TIMM23B: variants seen among roughly 807,000 people sequenced by gnomAD.
TIMM23B encodes mitochondrial import inner membrane translocase subunit Tim23B.
TIMM23B carries 27 observed loss-of-function variants against 27.3 expected under a neutral mutation model. That is an observed-to-expected ratio of 0.99 (90% CI 0.73 to 1.36). TIMM23B has a LOEUF of 1.36. TIMM23B is among the 40% of genes most tolerant of loss of function. The pLI, the probability that TIMM23B is intolerant of heterozygous loss-of-function variation, is 0.00. For synonymous variants in TIMM23B, 73 were observed against 92.4 expected (o/e 0.79, Z 1.21); for missense variants, 205 against 244.2 (o/e 0.84, Z 1.07).
At chr10:49,948,438 CATA>C (rs1839420771) in intron 2 of TIMM23B, among the ~76,000 whole-genome samples, 1 of 152,008 alleles carries the variant, frequency 6.6e-6, no homozygotes. Flanking sequence ...TAGCATTATT[CATA>C]ATAACCAAAA....
rs1300495324 is a variant in TIMM23B at position 49,954,869 on chromosome 10, T to C, written c.345-133T>C. 1.4e-5 allele frequency: 10 copies of C among 711,826 alleles called. No individual in the cohort carries two copies. The African/African-American group carries it at 1.4e-4, about 10-fold the overall frequency. 44.1% of individuals were successfully genotyped at this position (711,826 alleles called of 1,614,324 possible). A position where few individuals can be genotyped will look rare whatever the true frequency, so the allele number is the denominator to read the frequency against. Reference sequence around the variant, plus strand: ...ACCATCCTTATTGAAATCGGAGATATTAAGATGTATTTTAGAATTTAAAAA... The same window carrying C: ...ACCATCCTTATTGAAATCGGAGATACTAAGATGTATTTTAGAATTTAAAAA... On this transcript the variant is annotated intron_variant, in intron 4 of 6. Transcript: ENST00000651259.
chr10:49,969,857 ACTG>A (rs1240113586), intron 6 of TIMM23B, among the ~76,000 whole-genome samples: 1 of 151,546 alleles, frequency 6.6e-6, no homozygotes, highest in Non-Finnish European at 1.5e-5. Context: ...GCTGGACTGT[ACTG>A]CTGCCATCTC....
chr10:49,958,376 T>G lies in TIMM23B; in HGVS notation c.410T>G (p.Leu137Arg). Residue 137 changes from leucine (L) to arginine (R), a missense_variant, in exon 6 of 7, where the codon CTC becomes CGC. Transcript: ENST00000651259. The stretch of plus-strand genomic sequence containing the variant: ...ACTTCCATTTCCTCTTTAGCGTTGC[T>G]CTATAGTGCATTTGGTGTCATCATT... ...WANTLGSLAL[L>R]YSAFGVIIEK... 1.9e-6 allele frequency: 3 copies of G among 1,613,878 alleles called. No homozygotes were observed. Among genetic ancestry groups the G allele is most frequent in the Non-Finnish European group, 2.5e-6 (3 of 1,179,798 alleles).
Position 49,955,698 on chromosome 10 carries a change from A to G in TIMM23B, c.403+638A>G, listed in dbSNP as rs1357594594. On this transcript the variant is annotated intron_variant, in intron 5 of 6. Transcript: ENST00000651259. The stretch of plus-strand genomic sequence containing the variant: ...TTTTCCTACTGTGTGAACTTAGTTG[A>G]AAATCTCAATTTAAATTGTGGCAGA... 2.2e-3 allele frequency among the ~76,000 whole-genome samples: 334 copies of G among 152,328 alleles called. 2 individuals are homozygous for G. The highest frequency in any genetic ancestry group is 7.8e-3 in the African/African-American group (323 of 41,576).
chr10:49,946,120 A>G (rs1202092397), intron 2 of TIMM23B, among the ~76,000 whole-genome samples: 1 of 151,284 alleles, frequency 6.6e-6, no homozygotes, highest in Non-Finnish European at 1.5e-5. Context: ...AACCCTGGAT[A>G]CAAAGGTTGC....
At chr10:49,950,618 C>G (rs1460325494) in intron 2 of TIMM23B, among the ~76,000 whole-genome samples, 1 of 150,038 alleles carries the variant, frequency 6.7e-6, no homozygotes, top group East Asian at 2.0e-4. Flanking sequence ...TCTCAGCTCA[C>G]TGCAACCTCC....
chr10:49,957,173 T>C (rs1839752702), intron 5 of TIMM23B, among the ~76,000 whole-genome samples: 2 of 152,164 alleles, frequency 1.3e-5, no homozygotes, highest in Admixed American at 1.3e-4. Context: ...CACAACCCCC[T>C]CTTTGGGTTT....
Position 49,962,345 on chromosome 10 carries a change from G to T in TIMM23B, c.514+3865G>T, listed in dbSNP as rs1369197046. On this transcript the variant is annotated intron_variant, in intron 6 of 6. Transcript: ENST00000651259. ...AGCTTCCCAAGTAGCTGGGATTACAGATGCCCGCCACCACGCCCAGCTAAT... is the reference window on the plus strand; with the variant it reads ...AGCTTCCCAAGTAGCTGGGATTACATATGCCCGCCACCACGCCCAGCTAAT... Among the ~76,000 whole-genome samples, 3 of 151,972 alleles carry T rather than the reference G, an allele frequency of 2.0e-5. 1 individual carries two copies. Among genetic ancestry groups the T allele is most frequent in the Admixed American group, 2.0e-4 (3 of 15,250 alleles).
At chr10:49,950,536 GTTTTC>G (rs1839493395) in intron 2 of TIMM23B, among the ~76,000 whole-genome samples, 1 of 137,116 alleles carries the variant, frequency 7.3e-6, no homozygotes, top group Non-Finnish European at 1.6e-5. Flanking sequence ...TTTTTTTTAA[GTTTTC>G]TTTTCTTTTT....
intron 2 of TIMM23B, among the ~76,000 whole-genome samples, chr10:49,950,161 G>C (rs1406983026): frequency 6.8e-6 from 1 of 147,942 alleles, no homozygotes; most frequent in Non-Finnish European, 1.5e-5. Flanking sequence ...AACATCCATA[G>C]TGTTAAACAC....
intron 1 of TIMM23B, among the ~76,000 whole-genome samples, chr10:49,944,019 A>G (rs1260321361): frequency 6.6e-6 from 1 of 152,200 alleles, no homozygotes; most frequent in Non-Finnish European, 1.5e-5. Context: ...AAATGTCCTG[A>G]AACAAAACAA....
At position 49,952,139 on chromosome 10, in the gene TIMM23B, T is replaced by G; in HGVS notation, c.179T>G (p.Phe60Cys). The G allele has an allele frequency of 6.2e-7, 1 of 1,600,778 alleles. No homozygotes were observed. The highest frequency in any genetic ancestry group is 1.7e-5 in the Admixed American group (1 of 59,998). Residue 60 changes from phenylalanine (F) to cysteine (C), a missense_variant, in exon 3 of 7, where the codon TTC becomes TGC. Phe to Cys is a radical substitution (Grantham distance 205). Transcript: ENST00000651259. ...PRYLVQDTDE[F>C]ILPTGANKTW... ...TTATCCTTTTAGGATACAGATGAGT[T>G]CATTTTACCTACCGGAGCTAATAAA... is the stretch of plus-strand genomic sequence containing the variant.
chr10:49,966,924 T>TA (rs1840187452), intron 6 of TIMM23B, among the ~76,000 whole-genome samples: 1 of 146,502 alleles, frequency 6.8e-6, no homozygotes, highest in Admixed American at 7.1e-5. Flanking sequence ...GCTCTGTACT[T>TA]ACTATGTTGA....
Position 49,973,005 on chromosome 10 carries a change from CT to C in TIMM23B, c.515-3del, listed in dbSNP as rs1840519217. On this transcript the variant is annotated splice_region_variant and splice_polypyrimidine_tract_variant and intron_variant, in intron 6 of 6. Coordinates refer to ENST00000651259, the MANE Select transcript of TIMM23B (RefSeq NM_001290117.2). ...TGTTTGGTTATTTTTGTTTTCATTG[CT>C]TTTAGTGTCAGAGATGGCTTTGGAT... 1 of 1,467,692 alleles carries C rather than the reference CT, an allele frequency of 6.8e-7. No individual in the cohort carries two copies. Among genetic ancestry groups the C allele is most frequent in the African/African-American group, 1.4e-5 (1 of 70,648 alleles). 90.9% of individuals were successfully genotyped at this position (1,467,692 alleles called of 1,614,324 possible). A position where few individuals can be genotyped will look rare whatever the true frequency, so the allele number is the denominator to read the frequency against.
chr10:49,972,064 C>T (rs1554856701), intron 6 of TIMM23B, among the ~76,000 whole-genome samples: 1 of 152,102 alleles, frequency 6.6e-6, no homozygotes, highest in Non-Finnish European at 1.5e-5. Flanking sequence ...TTAATTGCTT[C>T]GATGTGAAAC....
At chr10:49,967,741 T>C (rs1415331306) in intron 6 of TIMM23B, among the ~76,000 whole-genome samples, 4 of 152,094 alleles carry the variant, frequency 2.6e-5, no homozygotes, top group Non-Finnish European at 4.4e-5. Context: ...CTCTCATTTC[T>C]TTTGACAATA....
At chr10:49,946,098 G>A (rs1426396793) in intron 2 of TIMM23B, among the ~76,000 whole-genome samples, 3 of 151,806 alleles carry the variant, frequency 2.0e-5, no homozygotes, top group South Asian at 2.1e-4. Context: ...GCTGAGGCAC[G>A]AGAATCGCTT....
At chr10:49,944,885 A>G in intron 1 of TIMM23B, 147 bp from the exon 2 acceptor site, 2 of 775,162 alleles carry the variant, frequency 2.6e-6, no homozygotes, top group Non-Finnish European at 4.4e-6. Flanking sequence ...AAACTGACAG[A>G]TAGGGAGGAT....
intron 6 of TIMM23B, among the ~76,000 whole-genome samples, chr10:49,970,633 G>A (rs1158487629): frequency 7.5e-4 from 95 of 126,910 alleles, no homozygotes; most frequent in Non-Finnish European, 1.2e-3. Flanking sequence ...GGCAGCCCCC[G>A]CCCGGCCAGC....
Sources: allele counts gnomAD v4.1 joint callset (sites outside exome capture counted in the v4.1 genomes callset), GRCh38; gene constraint gnomAD v4.1.1; transcripts MANE v1.5; gene names NCBI Gene and HGNC (gene_info 2026-07-23, HGNC 2026-07-21).